The following SPAG9 variants were observed in gnomAD, a reference collection of about 807,000 sequenced individuals.
SPAG9 encodes sperm associated antigen 9.
SPAG9 carries 35 observed loss-of-function variants against 166.5 expected under a neutral mutation model. The observed-to-expected ratio is 0.21, with a 90% CI of 0.16 to 0.28. The LOEUF is 0.28. Ranked by LOEUF, SPAG9 falls within the 10% of genes least tolerant of loss-of-function variation. The pLI is 1.00. For missense variants in SPAG9, 1,235 were observed against 1,603.3 expected, an observed-to-expected ratio of 0.77 and a Z score of 3.92; for synonymous variants, 534 against 565.5, an observed-to-expected ratio of 0.94 and a Z score of 0.79.
chr17:51,088,620 C>A (rs2048361364), intron 1 of SPAG9, among the ~76,000 whole-genome samples: 1 of 152,072 alleles, frequency 6.6e-6, no homozygotes, highest in African/African-American at 2.4e-5. Flanking sequence ...CACGGTGAAA[C>A]CTCGTCTCTA....
At position 51,110,437 on chromosome 17, in the gene SPAG9, T is replaced by A. The variant is rs537570392; in HGVS notation, c.303+9917A>T. 1.7e-3 allele frequency among the ~76,000 whole-genome samples: 257 copies of A among 149,798 alleles called. 2 individuals carry two copies. Among genetic ancestry groups the A allele is most frequent in the Non-Finnish European group, 3.1e-4 (21 of 67,660 alleles). ...TGGACGTGGTGGCTCACGCTTGTAATCCCAGCACTTTGGGAGGCCGAGGCA... is the reference window on the plus strand; with the variant it reads ...TGGACGTGGTGGCTCACGCTTGTAAACCCAGCACTTTGGGAGGCCGAGGCA... On this transcript the variant is annotated intron_variant, in intron 1 of 29. Coordinates refer to ENST00000262013, the MANE Select transcript of SPAG9 (RefSeq NM_001130528.3).
intron 8 of SPAG9, among the ~76,000 whole-genome samples, chr17:51,015,731 G>A: frequency 7.1e-6 from 1 of 139,942 alleles, no homozygotes; most frequent in East Asian, 2.0e-4. Context: ...AAGAATGAGG[G>A]TTTAAAAAAA....
chr17:51,076,200 C>T lies in SPAG9; in HGVS notation c.424+3384G>A, dbSNP rs1011945844. 5.0e-5 allele frequency among the ~76,000 whole-genome samples: 7 copies of T among 140,134 alleles called. No homozygotes were observed. In the South Asian group the frequency reaches 1.1e-3, roughly 23 times the overall value. The allele number at this position is 140,134 out of a possible 152,430, so 91.9% of individuals were successfully genotyped here. ...ACTTTGGGAGGCCGAGGCGGGCGGA[C>T]TGCTTTGAGCTCAGGAGTTCAAGAC... On this transcript the variant is annotated intron_variant, in intron 2 of 29. Coordinates refer to ENST00000262013, the MANE Select transcript of SPAG9 (RefSeq NM_001130528.3).
In SPAG9 at chr17:50,990,357, C is replaced by T. The variant is rs1975437550; in HGVS notation, c.2617+93G>A. ...GTATCTTCTTTCAAGTTCTTTCAAC[C>T]TTGTTACTTAAGATCTAAATTAAGT... On this transcript the variant is annotated intron_variant, in intron 20 of 29. Coordinates refer to ENST00000262013, the MANE Select transcript of SPAG9 (RefSeq NM_001130528.3). 17 of 984,874 alleles carry T rather than the reference C, an allele frequency of 1.7e-5. No homozygotes were observed. The South Asian group carries it at 2.4e-4, about 14-fold the overall frequency. The allele number at this position is 984,874 out of a possible 1,614,324, so 61.0% of individuals were successfully genotyped here.
At chr17:51,046,600 T>A in intron 4 of SPAG9, 1 of 1,535,944 alleles carries the variant, frequency 6.5e-7, no homozygotes, top group Non-Finnish European at 8.7e-7. Flanking sequence ...ATAGCAGAAT[T>A]AATGACCACC....
At chr17:51,042,055 C>T (rs1297452136) in intron 4 of SPAG9, among the ~76,000 whole-genome samples, 4 of 152,126 alleles carry the variant, frequency 2.6e-5, no homozygotes, top group Non-Finnish European at 5.9e-5. Flanking sequence ...CAAATCCTCT[C>T]GCTAATCCCT....
Position 50,990,878 on chromosome 17 carries a change from A to C in SPAG9, c.2399-210T>G, listed in dbSNP as rs1975486374. The C allele has an allele frequency of 2.1e-5, 11 of 535,086 alleles. No homozygotes were observed. In the South Asian group the frequency reaches 2.5e-4, roughly 12 times the overall value. The allele number at this position is 535,086 out of a possible 1,614,324, so 33.1% of individuals were successfully genotyped here. On this transcript the variant is annotated intron_variant, in intron 19 of 29. Coordinates refer to ENST00000262013, the MANE Select transcript of SPAG9 (RefSeq NM_001130528.3). Reference sequence around the variant, plus strand: ...AAAATACTTCTATTAACACAAGTGCAAATAAACATAAAAATGTCAGAAAAT... The same window carrying C: ...AAAATACTTCTATTAACACAAGTGCCAATAAACATAAAAATGTCAGAAAAT...
At chr17:51,073,561 A>C (rs957023247) in intron 2 of SPAG9, among the ~76,000 whole-genome samples, 1 of 152,112 alleles carries the variant, frequency 6.6e-6, no homozygotes, top group African/African-American at 2.4e-5. Context: ...TTAAAAAAAA[A>C]CAAAAAACAA....
chr17:51,096,548 A>C (rs1490360112), intron 1 of SPAG9, among the ~76,000 whole-genome samples: 1 of 152,166 alleles, frequency 6.6e-6, no homozygotes, highest in African/African-American at 2.4e-5. Context: ...AATTTTACAA[A>C]TACATATCCT....
chr17:51,061,961 G>C (rs1225882593), intron 2 of SPAG9, among the ~76,000 whole-genome samples: 1 of 151,812 alleles, frequency 6.6e-6, no homozygotes, highest in Non-Finnish European at 1.5e-5. Flanking sequence ...TCTTTCAAAA[G>C]GTGAAATGGT....
chr17:51,007,739 C>A, intron 9 of SPAG9: 2 of 400,480 alleles, frequency 5.0e-6, no homozygotes, highest in South Asian at 3.7e-5. Context: ...TCACATCTGA[C>A]CTCGTAGGCT....
chr17:50,981,093 A>C (rs370502923), intron 25 of SPAG9, among the ~76,000 whole-genome samples: 1 of 152,192 alleles, frequency 6.6e-6, no homozygotes, highest in African/African-American at 2.4e-5. Flanking sequence ...GAGCATTCCC[A>C]ATCCAAAAAT....
At chr17:50,988,266 AT>A (rs1025523811) in intron 21 of SPAG9, among the ~76,000 whole-genome samples, 1 of 151,988 alleles carries the variant, frequency 6.6e-6, no homozygotes, top group South Asian at 2.1e-4. Context: ...GAGGTTGCAA[AT>A]TTTTTTTGTA....
intron 26 of SPAG9, among the ~76,000 whole-genome samples, chr17:50,979,387 A>G (rs1336498309): frequency 6.6e-6 from 1 of 151,798 alleles, no homozygotes; most frequent in East Asian, 1.9e-4. Context: ...AAAGAAAAAA[A>G]AAAAAAAAAA....
In SPAG9 at chr17:50,975,730, C is replaced by T. The variant is rs1974160392; in HGVS notation, c.3524-783G>A. The T allele has an allele frequency of 1.3e-5, 8 of 603,144 alleles. No individual in the cohort carries two copies. In the East Asian group the frequency reaches 2.0e-4, roughly 15 times the overall value. The allele number at this position is 603,144 out of a possible 1,614,324, so 37.4% of individuals were successfully genotyped here. A position where few individuals can be genotyped will look rare whatever the true frequency, so the allele number is the denominator to read the frequency against. On this transcript the variant is annotated intron_variant, in intron 27 of 29. Transcript: ENST00000262013. ...AAACATTAAAAAAAAAAAAAAGACA[C>T]CTGCTGCGATGCAGTGACTGCAAGT... is the stretch of plus-strand genomic sequence containing the variant.
chr17:51,095,693 T>C lies in SPAG9; in HGVS notation c.304-15989A>G, dbSNP rs545720437. The stretch of plus-strand genomic sequence containing the variant: ...GTGTATATATATATATAGTGATATA[T>C]ATATAGTGATATATATAGTGATATA... On this transcript the variant is annotated intron_variant, in intron 1 of 29. Transcript: ENST00000262013. Among the ~76,000 whole-genome samples, 21 of 148,718 alleles carry C rather than the reference T, an allele frequency of 1.4e-4. No individual in the cohort carries two copies. The East Asian group carries it at 4.1e-3, about 29-fold the overall frequency.
intron 1 of SPAG9, among the ~76,000 whole-genome samples, chr17:51,087,523 T>G (rs1046083405): frequency 6.6e-6 from 1 of 152,180 alleles, no homozygotes; most frequent in Non-Finnish European, 1.5e-5. Flanking sequence ...TTTGTCTCTA[T>G]ACCTAACCTT....
intron 9 of SPAG9, among the ~76,000 whole-genome samples, chr17:51,010,672 A>G (rs2144065888): frequency 6.6e-6 from 1 of 151,674 alleles, no homozygotes; most frequent in East Asian, 1.9e-4. Flanking sequence ...GCTGTGAGGG[A>G]AAGTGAGAGG....
intron 5 of SPAG9, among the ~76,000 whole-genome samples, chr17:51,033,072 ATATAGTTAAGGTGATT>A (rs1457905069): frequency 6.6e-6 from 1 of 151,954 alleles, no homozygotes; most frequent in Admixed American, 6.6e-5. Flanking sequence ...CAAATACAGC[ATATAGTTAAGGTGATT>A]TTTTTAATAC....
Sources: allele counts gnomAD v4.1 joint callset (sites outside exome capture counted in the v4.1 genomes callset), GRCh38; gene constraint gnomAD v4.1.1; transcripts MANE v1.5; gene names NCBI Gene and HGNC (gene_info 2026-07-23, HGNC 2026-07-21).